ARHGEF18: variants seen among roughly 807,000 people sequenced by gnomAD.
ARHGEF18 encodes the protein Rho/Rac guanine nucleotide exchange factor 18.
Under a neutral mutation model 155.7 loss-of-function variants are expected in ARHGEF18, and 93 were observed. The ratio of observed to expected loss-of-function variants is 0.60; its 90% CI spans 0.50 to 0.71. The LOEUF is 0.71. Ranked by LOEUF, ARHGEF18 falls within the 30% of genes least tolerant of loss-of-function variation. The pLI is 0.00. For missense variants in ARHGEF18, 1,593 were observed against 1,816.1 expected (o/e 0.88, Z 2.23); for synonymous variants, 742 against 753.1 (o/e 0.99, Z 0.24).
chr19:7,468,571 A>G lies in ARHGEF18; in HGVS notation c.3481-254A>G, dbSNP rs1321786963. Among the ~76,000 whole-genome samples the G allele has an allele frequency of 5.3e-5, 8 of 152,198 alleles. No individual in the cohort carries two copies. In the East Asian group the frequency reaches 1.5e-3, roughly 29 times the overall value. The stretch of plus-strand genomic sequence containing the variant: ...AAATCTATAAACCATGGGTTCTGTG[A>G]ACAGATGTGGACACGGATGTGTGAG... On this transcript the variant is annotated intron_variant, in intron 26 of 28. Transcript: ENST00000668164.
intron 10 of ARHGEF18, among the ~76,000 whole-genome samples, chr19:7,404,584 C>G (rs902243214): frequency 8.6e-5 from 13 of 151,920 alleles, no homozygotes; most frequent in Admixed American, 7.9e-4. Context: ...CTCAGCCTCC[C>G]CAGTAACTGG....
rs138071513 is a variant in ARHGEF18 at position 7,441,760 on chromosome 19, T to C, written c.1214T>C (p.Val405Ala). ...TCTCCAAACACCGAGTCCATTTTTG[T>C]AGAAGGTATGGTCATCTCCGCTCTC... is the stretch of plus-strand genomic sequence containing the variant. ...LTSPNTESIF[V>A]EDPYTASLRS... Residue 405 changes from valine to alanine, a missense_variant, in exon 12 of 29, where the codon GTA becomes GCA. Val to Ala is a moderately conservative substitution (Grantham distance 64). Transcript: ENST00000668164. 3.7e-6 allele frequency: 6 copies of C among 1,614,058 alleles called. No individual in the cohort carries two copies. The highest frequency in any genetic ancestry group is 4.2e-6 in the Non-Finnish European group (5 of 1,180,022).
intron 19 of ARHGEF18, 65 bp downstream of exon 19, chr19:7,458,755 TTCGACCGTTGGCCA>T (rs1976011635): frequency 4.6e-6 from 7 of 1,516,482 alleles, no homozygotes; most frequent in Non-Finnish European, 6.2e-6. Context: ...CACCCTTGGC[TTCGACCGTTGGCCA>T]TCAGCTGTGA....
At chr19:7,423,147 T>C (rs2145686146) in intron 10 of ARHGEF18, among the ~76,000 whole-genome samples, 1 of 152,270 alleles carries the variant, frequency 6.6e-6, no homozygotes, top group Non-Finnish European at 1.5e-5. Context: ...TCCTCCTCGT[T>C]CCATTGTGCT....
intron 10 of ARHGEF18, among the ~76,000 whole-genome samples, chr19:7,435,851 T>C (rs996698933): frequency 2.6e-5 from 4 of 152,204 alleles, no homozygotes; most frequent in Non-Finnish European, 5.9e-5. Flanking sequence ...CATTTCATTC[T>C]TTTTCAGAGT....
chr19:7,376,253 G>A (rs1350808911), intron 4 of ARHGEF18, among the ~76,000 whole-genome samples: 1 of 152,152 alleles, frequency 6.6e-6, no homozygotes, highest in Non-Finnish European at 1.5e-5. Context: ...TACAGCTAAG[G>A]AGAATTTGTG....
At chr19:7,377,024 T>G (rs954578947) in intron 5 of ARHGEF18, among the ~76,000 whole-genome samples, 1 of 151,726 alleles carries the variant, frequency 6.6e-6, no homozygotes, top group Non-Finnish European at 1.5e-5. Flanking sequence ...CAGTGTGAGA[T>G]TGCCCCATTG....
At chr19:7,376,790 C>G in intron 5 of ARHGEF18, 33 bp downstream of exon 5, 2 of 1,215,216 alleles carry the variant, frequency 1.6e-6, no homozygotes. Context: ...TCATTCAAAC[C>G]AAGTCAGGGA....
chr19:7,410,484 T>C (rs777554019), intron 10 of ARHGEF18, among the ~76,000 whole-genome samples: 7 of 151,852 alleles, frequency 4.6e-5, no homozygotes, highest in African/African-American at 1.7e-4. Context: ...CCTGAATTAA[T>C]GTTTTCAGAA....
At chr19:7,368,498 C>T (rs1970045278) in intron 2 of ARHGEF18, among the ~76,000 whole-genome samples, 1 of 152,130 alleles carries the variant, frequency 6.6e-6, no homozygotes, top group African/African-American at 2.4e-5. Context: ...ATGAGACACC[C>T]CCTCTCTCCC....
chr19:7,376,776 T>C lies in ARHGEF18; in HGVS notation c.541+19T>C. On this transcript the variant is annotated intron_variant, in intron 5 of 28. Transcript: ENST00000668164. Reference sequence around the variant, plus strand: ...GTTCAAGGTAGCCAGCCTGGGAGTTTCCTTCATTCAAACCAAGTCAGGGAA... The same window carrying C: ...GTTCAAGGTAGCCAGCCTGGGAGTTCCCTTCATTCAAACCAAGTCAGGGAA... 1 of 1,229,900 alleles carries C rather than the reference T, an allele frequency of 8.1e-7. No individual in the cohort carries two copies. Among genetic ancestry groups the C allele is most frequent in the Non-Finnish European group, 1.0e-6 (1 of 984,144 alleles). 76.2% of individuals were successfully genotyped at this position (1,229,900 alleles called of 1,614,324 possible). A position where few individuals can be genotyped will look rare whatever the true frequency, so the allele number is the denominator to read the frequency against.
Position 7,467,516 on chromosome 19 carries a change from G to A in ARHGEF18, c.3312G>A (p.Gln1104=). 1.4e-6 allele frequency: 2 copies of A among 1,434,704 alleles called. No individual in the cohort carries two copies. The highest frequency in any genetic ancestry group is 9.0e-7 in the Non-Finnish European group (1 of 1,106,174). The allele number at this position is 1,434,704 out of a possible 1,614,324, so 88.9% of individuals were successfully genotyped here. ...GGCAGCTACGCGAGCGGCTGGAGCA[G>A]GAGCGGGCCGAGCTGGAGCGCCAGC... is the stretch of plus-strand genomic sequence containing the variant. ...EARQLRERLE[Q]ERAELERQRQ... Residue 1104 remains glutamine, a synonymous_variant, in exon 26 of 29, where the codon CAG becomes CAA. Coordinates refer to ENST00000668164, the MANE Select transcript of ARHGEF18 (RefSeq NM_001367823.1).
At chr19:7,398,626 G>A (rs916399787) in intron 10 of ARHGEF18, among the ~76,000 whole-genome samples, 5 of 151,568 alleles carry the variant, frequency 3.3e-5, no homozygotes, top group African/African-American at 9.7e-5. Context: ...GCAAGGCAGA[G>A]GTTGCAGTGA....
downstream of ARHGEF18, chr19:7,476,937 C>T: frequency 7.4e-6 from 3 of 405,094 alleles, no homozygotes; most frequent in East Asian, 1.1e-4. Flanking sequence ...CAGGCCCCCT[C>T]TTCCTCATCT....
At chr19:7,419,772 G>A (rs989074305) in intron 10 of ARHGEF18, among the ~76,000 whole-genome samples, 8 of 152,092 alleles carry the variant, frequency 5.3e-5, no homozygotes. Flanking sequence ...TTTTCCCCAG[G>A]ACAGACTTCT....
intron 10 of ARHGEF18, among the ~76,000 whole-genome samples, chr19:7,438,221 C>T (rs1974395974): frequency 6.6e-6 from 1 of 151,700 alleles, no homozygotes; most frequent in Non-Finnish European, 1.5e-5. Flanking sequence ...CTGCCTCAGC[C>T]TCCCGAGTAG....
At chr19:7,436,407 G>C (rs978898477) in intron 10 of ARHGEF18, among the ~76,000 whole-genome samples, 20 of 152,012 alleles carry the variant, frequency 1.3e-4, no homozygotes, top group Admixed American at 6.6e-4. Context: ...CTTCTGAGTA[G>C]CTGTGATTAC....
intron 15 of ARHGEF18, among the ~76,000 whole-genome samples, chr19:7,450,476 C>G (rs565358958): frequency 2.0e-3 from 1 of 502 alleles, no homozygotes; most frequent in African/African-American, 6.3e-3. Flanking sequence ...TCTTGCTTTC[C>G]GTTTCCGTTT....
At chr19:7,371,068 G>C (rs987361210) in intron 2 of ARHGEF18, among the ~76,000 whole-genome samples, 1 of 151,968 alleles carries the variant, frequency 6.6e-6, no homozygotes, top group Non-Finnish European at 1.5e-5. Flanking sequence ...CTCCCACCAT[G>C]CCCAGCTCAC....
Sources: allele counts gnomAD v4.1 joint callset (sites outside exome capture counted in the v4.1 genomes callset), GRCh38; gene constraint gnomAD v4.1.1; transcripts MANE v1.5; gene names NCBI Gene and HGNC (gene_info 2026-07-23, HGNC 2026-07-21).